CPVL: variants seen among roughly 807,000 people sequenced by gnomAD.
CPVL encodes probable serine carboxypeptidase CPVL.
A neutral mutation model predicts 63.7 loss-of-function variants in CPVL; 51 were observed. That is an observed-to-expected ratio of 0.80 (90% CI 0.64 to 1.01). The LOEUF is 1.01. Among genes scored for constraint, CPVL ranks in the 50% least tolerant of loss-of-function variants. The probability of loss-of-function intolerance (pLI) is 0.00; values close to 1 mark genes in which losing one functional copy is unlikely to be tolerated. For synonymous variants in CPVL, 195 were observed against 206.0 expected, an observed-to-expected ratio of 0.95 and a Z score of 0.46; for missense variants, 530 against 573.1, an observed-to-expected ratio of 0.92 and a Z score of 0.77.
intron 5 of CPVL, among the ~76,000 whole-genome samples, chr7:29,151,971 G>A (rs550176216): frequency 5.9e-5 from 9 of 152,310 alleles, no homozygotes; most frequent in African/African-American, 2.2e-4. Context: ...AGTAGTATTT[G>A]GAGTCTCCTC....
At chr7:29,033,038 AC>A (rs1788183871) in intron 11 of CPVL, among the ~76,000 whole-genome samples, 1 of 152,244 alleles carries the variant, frequency 6.6e-6, no homozygotes, top group African/African-American at 2.4e-5. Flanking sequence ...ACAATCTCGC[AC>A]AGGCAATGTG....
At chr7:29,129,828 T>C (rs1790496459) in intron 1 of CPVL, among the ~76,000 whole-genome samples, 1 of 152,202 alleles carries the variant, frequency 6.6e-6, no homozygotes, top group South Asian at 2.1e-4. Flanking sequence ...GGAGTTGGAT[T>C]AGGGCAGGGC....
At chr7:29,184,853 G>C (rs1395261919) in intron 3 of CPVL, among the ~76,000 whole-genome samples, 1 of 152,214 alleles carries the variant, frequency 6.6e-6, no homozygotes, top group African/African-American at 2.4e-5. Context: ...CATTGTGGTT[G>C]ACTTAATTAT....
chr7:29,032,434 C>G (rs1364610465), intron 11 of CPVL, among the ~76,000 whole-genome samples: 3 of 152,112 alleles, frequency 2.0e-5, no homozygotes, highest in African/African-American at 7.2e-5. Flanking sequence ...TAAAAAAATT[C>G]AACTGAACTC....
intron 5 of CPVL, among the ~76,000 whole-genome samples, chr7:29,158,203 A>C (rs546207296): frequency 6.6e-6 from 1 of 152,350 alleles, no homozygotes; most frequent in South Asian, 2.1e-4. Context: ...TCCGGAATGA[A>C]TGAATGTCTA....
At chr7:29,123,366 C>T (rs1241141741) in intron 1 of CPVL, among the ~76,000 whole-genome samples, 1 of 151,596 alleles carries the variant, frequency 6.6e-6, no homozygotes, top group Non-Finnish European at 1.5e-5. Context: ...TAAGGCCAAC[C>T]AAATCCAGGA....
chr7:29,183,721 A>G (rs543186570), intron 4 of CPVL, among the ~76,000 whole-genome samples: 1 of 152,300 alleles, frequency 6.6e-6, no homozygotes, highest in African/African-American at 2.4e-5. Context: ...CTAGAGAAAG[A>G]GAACCAATAA....
At chr7:29,127,339 C>A (rs1790139935) in intron 1 of CPVL, 1 of 152,158 alleles carries the variant, frequency 6.6e-6, no homozygotes, top group Admixed American at 6.5e-5. Flanking sequence ...TAATAGCTAC[C>A]AATTACTGAA....
chr7:29,032,878 T>C (rs879939390), intron 11 of CPVL, among the ~76,000 whole-genome samples: 6 of 152,210 alleles, frequency 3.9e-5, no homozygotes, highest in Admixed American at 1.3e-4. Flanking sequence ...CAAAAACACA[T>C]TTATATGTAC....
chr7:28,999,580 C>T (rs929307781), intron 12 of CPVL, among the ~76,000 whole-genome samples: 18 of 152,238 alleles, frequency 1.2e-4, no homozygotes, highest in African/African-American at 4.3e-4. Context: ...CACATGCGCA[C>T]TCACACACAC....
intron 12 of CPVL, chr7:29,010,451 T>C (rs566260137): frequency 1.3e-5 from 2 of 152,286 alleles, no homozygotes; most frequent in East Asian, 3.9e-4. Flanking sequence ...ACTCAATGCT[T>C]TAGAAACAAC....
chr7:29,174,193 C>T (rs1161489481), intron 5 of CPVL, among the ~76,000 whole-genome samples: 2 of 152,098 alleles, frequency 1.3e-5, no homozygotes, highest in African/African-American at 4.8e-5. Context: ...CTTGATGCTC[C>T]TCTCATGGGA....
At chr7:29,087,964 T>G (rs878937253) in intron 6 of CPVL, among the ~76,000 whole-genome samples, 2 of 152,330 alleles carry the variant, frequency 1.3e-5, no homozygotes, top group South Asian at 4.1e-4. Flanking sequence ...GGCTTTAGAG[T>G]GCAGATAAAA....
At chr7:29,116,864 A>G (rs1043026309) in intron 2 of CPVL, among the ~76,000 whole-genome samples, 1 of 152,210 alleles carries the variant, frequency 6.6e-6, no homozygotes, top group African/African-American at 2.4e-5. Context: ...AAAATTAAAA[A>G]TTTCCCTTGT....
chr7:29,045,284 G>A (rs1178519549), intron 11 of CPVL, among the ~76,000 whole-genome samples: 1 of 151,982 alleles, frequency 6.6e-6, no homozygotes, highest in Non-Finnish European at 1.5e-5. Flanking sequence ...AAGCCCAGAA[G>A]TATGCCTCAT....
intron 2 of CPVL, among the ~76,000 whole-genome samples, chr7:29,119,436 G>A (rs938784482): frequency 1.6e-4 from 23 of 147,362 alleles, no homozygotes; most frequent in Non-Finnish European, 2.7e-4. Flanking sequence ...GCAGTGAGCC[G>A]AGGCTGCACC....
chr7:29,052,570 A>C (rs1241561955), intron 11 of CPVL, among the ~76,000 whole-genome samples: 1 of 152,126 alleles, frequency 6.6e-6, no homozygotes, highest in Non-Finnish European at 1.5e-5. Context: ...CCCAGAGAAT[A>C]GGAAAAAAAA....
intron 12 of CPVL, chr7:29,010,204 G>A (rs1785672491): frequency 1.3e-5 from 2 of 151,936 alleles, no homozygotes; most frequent in Admixed American, 1.3e-4. Context: ...ATAAATATTA[G>A]GAACAAAAAT....
chr7:29,052,350 T>C (rs1790261894), intron 11 of CPVL, among the ~76,000 whole-genome samples: 1 of 151,168 alleles, frequency 6.6e-6, no homozygotes, highest in Non-Finnish European at 1.5e-5. Flanking sequence ...ACCCAAATTG[T>C]GAATACTTGG....
Sources: gnomAD v4.1 joint callset for allele counts (sites outside exome capture counted in the v4.1 genomes callset) on GRCh38, gnomAD v4.1.1 for gene constraint, MANE v1.5 for transcripts, NCBI Gene and HGNC (gene_info 2026-07-23, HGNC 2026-07-21) for gene names.